Variants in RASGEF1C observed in about 807,000 individuals in gnomAD.
RASGEF1C encodes ras-GEF domain-containing family member 1C.
Under a neutral mutation model 58.1 loss-of-function variants are expected in RASGEF1C, and 27 were observed. The observed-to-expected ratio is 0.46, with a 90% CI of 0.34 to 0.64. The LOEUF (loss-of-function observed/expected upper bound fraction) is 0.64, where lower values mean the gene tolerates loss of function less well. RASGEF1C is among the 30% of genes least tolerant of loss of function. The probability of loss-of-function intolerance (pLI) is 0.01; values close to 1 mark genes in which losing one functional copy is unlikely to be tolerated. For synonymous variants in RASGEF1C, 243 were observed against 246.3 expected (o/e 0.99, Z 0.13); for missense variants, 502 against 605.1 (o/e 0.83, Z 1.79).
In RASGEF1C at chr5:180,186,767, A is replaced by G. The variant is rs62406146; in HGVS notation, c.-7+22261T>C. Among the ~76,000 whole-genome samples the G allele has an allele frequency of 3.4e-3, 525 of 152,334 alleles. 1 individual carries two copies. Among genetic ancestry groups the G allele is most frequent in the Non-Finnish European group, 6.3e-3 (432 of 68,032 alleles). ...GGATCAGTTGAGGTCAGAGTTCAAG[A>G]CCAGCCTGGCCAACATAGTGAAACC... On this transcript the variant is annotated intron_variant, in intron 1 of 13. Coordinates refer to ENST00000361132, the MANE Select transcript of RASGEF1C (RefSeq NM_175062.4).
intron 1 of RASGEF1C, among the ~76,000 whole-genome samples, chr5:180,172,642 C>T (rs1364857186): frequency 1.3e-5 from 2 of 152,164 alleles, no homozygotes; most frequent in African/African-American, 4.8e-5. Flanking sequence ...TCTCCAGAAT[C>T]TCTGCCTGAG....
At chr5:180,118,351 G>GC (rs148992919) in intron 10 of RASGEF1C, among the ~76,000 whole-genome samples, 5 of 152,016 alleles carry the variant, frequency 3.3e-5, no homozygotes, top group Admixed American at 2.6e-4. Context: ...CACTCGTGTG[G>GC]CCCCCCAAGA....
intron 1 of RASGEF1C, among the ~76,000 whole-genome samples, chr5:180,159,919 T>A (rs1488231535): frequency 6.6e-6 from 1 of 152,226 alleles, no homozygotes; most frequent in Admixed American, 6.5e-5. Context: ...CTGCCGTGGC[T>A]GCCCAGCCAA....
intron 1 of RASGEF1C, among the ~76,000 whole-genome samples, chr5:180,175,172 A>T (rs1392733188): frequency 6.6e-6 from 1 of 152,172 alleles, no homozygotes; most frequent in Non-Finnish European, 1.5e-5. Flanking sequence ...GTAAGAGGTC[A>T]CTTGGCTATG....
chr5:180,181,319 A>G (rs1230748680), intron 1 of RASGEF1C, among the ~76,000 whole-genome samples: 3 of 152,396 alleles, frequency 2.0e-5, no homozygotes, highest in African/African-American at 4.8e-5. Flanking sequence ...AATATGTGGA[A>G]AAGAGATGTA....
intron 1 of RASGEF1C, among the ~76,000 whole-genome samples, chr5:180,195,019 T>C (rs1347922557): frequency 6.6e-6 from 1 of 152,202 alleles, no homozygotes; most frequent in Non-Finnish European, 1.5e-5. Flanking sequence ...GCTTCCCCTC[T>C]GCCTGCAGGA....
chr5:180,190,303 C>A (rs886643998), intron 1 of RASGEF1C, among the ~76,000 whole-genome samples: 1 of 151,690 alleles, frequency 6.6e-6, no homozygotes, highest in Non-Finnish European at 1.5e-5. Context: ...CTGGCTAACA[C>A]GGTGAAACCC....
intron 1 of RASGEF1C, among the ~76,000 whole-genome samples, chr5:180,194,966 T>C (rs557154911): frequency 3.3e-4 from 50 of 152,252 alleles, no homozygotes; most frequent in African/African-American, 1.1e-3. Flanking sequence ...AATCGGGAAA[T>C]GGCTGGTGAG....
intron 1 of RASGEF1C, among the ~76,000 whole-genome samples, chr5:180,181,347 T>C (rs1337899703): frequency 6.6e-6 from 1 of 152,262 alleles, no homozygotes; most frequent in Non-Finnish European, 1.5e-5. Flanking sequence ...ACTAGCATTG[T>C]CGTCGGTTGG....
At chr5:180,147,908 C>T (rs1236410911) in intron 1 of RASGEF1C, among the ~76,000 whole-genome samples, 1 of 152,114 alleles carries the variant, frequency 6.6e-6, no homozygotes, top group Non-Finnish European at 1.5e-5. Flanking sequence ...GCTGAAATAG[C>T]TTAGTTGGGA....
intron 6 of RASGEF1C, among the ~76,000 whole-genome samples, chr5:180,121,723 T>C (rs991742201): frequency 2.0e-5 from 3 of 151,492 alleles, no homozygotes; most frequent in African/African-American, 7.3e-5. Context: ...ATTTGCCTGC[T>C]CTCTAAAATG....
At position 180,182,204 on chromosome 5, in the gene RASGEF1C, CAAAAAAAA is replaced by C. The variant is rs1156831010; in HGVS notation, c.-7+26816_-7+26823del. On this transcript the variant is annotated intron_variant, in intron 1 of 13. Coordinates refer to ENST00000361132, the MANE Select transcript of RASGEF1C (RefSeq NM_175062.4). Reference sequence around the variant, plus strand: ...TGGGCAACAGAGCAAGACTCCGTCTCAAAAAAAAAAAAAAAAAAAAAAAAAAAGAATGA... The same window carrying C: ...TGGGCAACAGAGCAAGACTCCGTCTCAAAAAAAAAAAAAAAAAAAGAATGA... Among the ~76,000 whole-genome samples, 6 of 22,770 alleles carry C rather than the reference CAAAAAAAA, an allele frequency of 2.6e-4. 1 individual carries two copies. The highest frequency in any genetic ancestry group is 4.3e-3 in the East Asian group (2 of 468). 14.9% of individuals were successfully genotyped at this position (22,770 alleles called of 152,430 possible).
intron 1 of RASGEF1C, among the ~76,000 whole-genome samples, chr5:180,153,923 C>T (rs1766808621): frequency 6.6e-6 from 1 of 152,214 alleles, no homozygotes; most frequent in Non-Finnish European, 1.5e-5. Context: ...AGTCCCCGTA[C>T]TCCAAACCCA....
Position 180,198,233 on chromosome 5 carries a change from G to A in RASGEF1C, c.-7+10795C>T, listed in dbSNP as rs1175060307. On this transcript the variant is annotated intron_variant, in intron 1 of 13. Coordinates refer to ENST00000361132, the MANE Select transcript of RASGEF1C (RefSeq NM_175062.4). This position sits in a 1 kb window ranked among gnomAD's most constrained non-coding sequence, Gnocchi z 4.5. The stretch of plus-strand genomic sequence containing the variant: ...CAGCCCCAGACAGCGCCACCCAGCA[G>A]AAGAGGACCAGGACCCCTGCTATGA... 6.6e-6 allele frequency among the ~76,000 whole-genome samples: 1 copy of A among 152,354 alleles called. No homozygotes were observed. The highest frequency in any genetic ancestry group is 1.9e-4 in the East Asian group (1 of 5,186).
In RASGEF1C at chr5:180,100,982, C is replaced by T. The variant is rs1487728855; in HGVS notation, c.*519G>A. On this transcript the variant is annotated 3_prime_UTR_variant, in exon 14 of 14. Transcript: ENST00000361132. ...GGGTACCTGGGGCTGCAGAGACAAG[C>T]TCGTCGGCAGGGCAGGGTGAGGGAC... The T allele has an allele frequency of 6.4e-6, 1 of 155,788 alleles. No individual in the cohort carries two copies. Among genetic ancestry groups the T allele is most frequent in the African/African-American group, 2.4e-5 (1 of 41,534 alleles). The allele number at this position is 155,788 out of a possible 1,614,324, so 9.7% of individuals were successfully genotyped here.
intron 1 of RASGEF1C, among the ~76,000 whole-genome samples, chr5:180,195,917 A>G (rs1756266989): frequency 6.6e-6 from 1 of 152,224 alleles, no homozygotes; most frequent in Non-Finnish European, 1.5e-5. Flanking sequence ...ATATTATTAA[A>G]AACACTTATT....
intron 1 of RASGEF1C, among the ~76,000 whole-genome samples, chr5:180,178,476 C>T (rs563744234): frequency 6.6e-6 from 1 of 151,342 alleles, no homozygotes; most frequent in South Asian, 2.1e-4. Flanking sequence ...GACGGGGTTT[C>T]ACCATGTTGG....
rs983813457 is a variant in RASGEF1C, at chr5:180,143,476, G to T, written c.-6-5418C>A. On this transcript the variant is annotated intron_variant, in intron 1 of 13. Coordinates refer to ENST00000361132, the MANE Select transcript of RASGEF1C (RefSeq NM_175062.4). The surrounding 1 kb of genome is among the most constrained non-coding windows in gnomAD (Gnocchi z 4.3). ...GGTAATGGTCACCTGCCCCCAGCCA[G>T]TTGAAAACGTGCCCAAGGGCCCTGC... Among the ~76,000 whole-genome samples the T allele has an allele frequency of 6.6e-6, 1 of 152,218 alleles. No homozygotes were observed.
At chr5:180,104,504 T>G (rs1469792084) in intron 12 of RASGEF1C, among the ~76,000 whole-genome samples, 1 of 152,202 alleles carries the variant, frequency 6.6e-6, no homozygotes, top group Non-Finnish European at 1.5e-5. Flanking sequence ...TGTAGATATA[T>G]ATATATAAAC....
Sources: allele counts gnomAD v4.1 joint callset (sites outside exome capture counted in the v4.1 genomes callset), GRCh38; gene constraint gnomAD v4.1.1; non-coding constraint Gnocchi (gnomAD v3.1); transcripts MANE v1.5; gene names NCBI Gene and HGNC (gene_info 2026-07-23, HGNC 2026-07-21).